Variants in DNAH7 observed in about 807,000 individuals in gnomAD.
The protein encoded by DNAH7 is dynein axonemal heavy chain 7.
In DNAH7, 397 loss-of-function variants were observed where a neutral mutation model predicts 444.6. The observed-to-expected ratio is 0.89, with a 90% CI of 0.82 to 0.97. The LOEUF (loss-of-function observed/expected upper bound fraction) is 0.97. Ranked by LOEUF, DNAH7 falls within the 50% of genes least tolerant of loss-of-function variation. The pLI is 0.00. For synonymous variants in DNAH7, 1,636 were observed against 1,624.4 expected (o/e 1.01, Z -0.17); for missense variants, 4,902 against 4,800.8 (o/e 1.02, Z -0.62).
In DNAH7 at chr2:196,001,676, G is replaced by T. The variant is rs771642889; in HGVS notation, c.1172C>A (p.Pro391Gln). 1.3e-6 allele frequency: 2 copies of T among 1,549,380 alleles called. No individual in the cohort carries two copies. The highest frequency in any genetic ancestry group is 2.3e-5 in the East Asian group (1 of 43,240). Reference protein sequence around the residue: ...QDFTDLIAQPPDSVRAFEHPG... With the variant: ...QDFTDLIAQPQDSVRAFEHPG... ...ATTGGTGAACTGAACCATACTTACTGGGGGTTGTGCAATTAAGTCCGTGAA... is the reference window on the plus strand; with the variant it reads ...ATTGGTGAACTGAACCATACTTACTTGGGGTTGTGCAATTAAGTCCGTGAA... Residue 391 changes from proline (P) to glutamine (Q), a missense_variant and splice_region_variant, in exon 11 of 65, where the codon CCA becomes CAA. Coordinates refer to ENST00000312428, the MANE Select transcript of DNAH7 (RefSeq NM_018897.3).
chr2:195,761,443 C>T (rs954557354), intron 61 of DNAH7, among the ~76,000 whole-genome samples: 2 of 152,062 alleles, frequency 1.3e-5, no homozygotes, highest in African/African-American at 4.8e-5. Context: ...TAACAAAGGA[C>T]TTCCTAAACC....
At position 195,816,662 on chromosome 2, in the gene DNAH7, C is replaced by T; in HGVS notation, c.9727G>A (p.Glu3243Lys). ...WFINLFILSI[E>K]NSEKSEILAK... ...AAAATTTCTGATTTCTCTGAATTTT[C>T]AATAGACAGGATGAAAAGGTTAATA... is the stretch of plus-strand genomic sequence containing the variant. Residue 3243 changes from glutamate (E) to lysine (K), a missense_variant, in exon 51 of 65, where the codon GAA (glutamate) becomes AAA (lysine). Glu to Lys is a moderately conservative substitution (Grantham distance 56). Transcript: ENST00000312428. 1 of 1,613,020 alleles carries T rather than the reference C, an allele frequency of 6.2e-7. No individual in the cohort carries two copies. The highest frequency in any genetic ancestry group is 8.5e-7 in the Non-Finnish European group (1 of 1,179,676).
At chr2:196,048,521 A>G in intron 3 of DNAH7, 117 bp from the exon 4 acceptor site, 1 of 793,380 alleles carries the variant, frequency 1.3e-6, no homozygotes, top group Non-Finnish European at 2.0e-6. Flanking sequence ...GAACATCTGG[A>G]TAGAAAATAC....
At chr2:195,945,087 T>A (rs1057107821) in intron 19 of DNAH7, among the ~76,000 whole-genome samples, 1 of 151,712 alleles carries the variant, frequency 6.6e-6, no homozygotes. Context: ...CCCAAGTGGG[T>A]CATAAACAAT....
chr2:195,915,425 G>A (rs748220736), intron 24 of DNAH7, among the ~76,000 whole-genome samples: 2 of 152,102 alleles, frequency 1.3e-5, no homozygotes, highest in African/African-American at 2.4e-5. Context: ...TGGTGTTACT[G>A]GAATACTGAG....
chr2:195,786,732 G>C (rs1695642706), intron 58 of DNAH7, among the ~76,000 whole-genome samples: 1 of 152,116 alleles, frequency 6.6e-6, no homozygotes, highest in Non-Finnish European at 1.5e-5. Context: ...TTCAAAATAA[G>C]TATAATATTA....
chr2:195,761,295 A>T (rs2105921415), intron 61 of DNAH7, among the ~76,000 whole-genome samples: 1 of 152,200 alleles, frequency 6.6e-6, no homozygotes, highest in South Asian at 2.1e-4. Context: ...ACACAGTAAG[A>T]TGAGATAAAA....
At chr2:195,748,887 A>G (rs1010051150) in intron 63 of DNAH7, among the ~76,000 whole-genome samples, 5 of 152,342 alleles carry the variant, frequency 3.3e-5, no homozygotes, top group African/African-American at 9.6e-5. Context: ...AAAACCCTAG[A>G]AGAAAACCAA....
intron 12 of DNAH7, chr2:195,999,195 C>A (rs752350581): frequency 1.1e-5 from 8 of 717,182 alleles, no homozygotes; most frequent in African/African-American, 5.2e-5. Context: ...AGGTGACAGA[C>A]CTTTGAATAT....
rs967272016 is a variant in DNAH7, at chr2:195,763,574, T to C, written c.11434-7289A>G. 2.6e-5 allele frequency among the ~76,000 whole-genome samples: 4 copies of C among 152,104 alleles called. No individual in the cohort carries two copies. The East Asian group carries it at 5.8e-4, about 22-fold the overall frequency. ...ATAGATGGCACATAAATTCAAAGGA[T>C]CATTAGTGGCTACTATTAGCAATTT... On this transcript the variant is annotated intron_variant, in intron 61 of 64. Coordinates refer to ENST00000312428, the MANE Select transcript of DNAH7 (RefSeq NM_018897.3).
In DNAH7 at chr2:195,969,097, C is replaced by T. The variant is rs138067805; in HGVS notation, c.2205+851G>A. Among the ~76,000 whole-genome samples, 476 of 152,366 alleles carry T rather than the reference C, an allele frequency of 3.1e-3. 3 individuals carry two copies. Among genetic ancestry groups the T allele is most frequent in the African/African-American group, 0.011 (457 of 41,594 alleles). On this transcript the variant is annotated intron_variant, in intron 17 of 64. Coordinates refer to ENST00000312428, the MANE Select transcript of DNAH7 (RefSeq NM_018897.3). ...AAGTTAAAACCAGGTAACGTGATTG[C>T]TCACCTGATTTTTGGTTCTTATGAA...
rs1361668878 is a variant in DNAH7, at chr2:195,960,200, A to C, written c.2891+60T>G. 4 of 1,378,706 alleles carry C rather than the reference A, an allele frequency of 2.9e-6. No individual in the cohort carries two copies. The Admixed American group carries it at 9.2e-5, about 32-fold the overall frequency. The allele number at this position is 1,378,706 out of a possible 1,614,324, so 85.4% of individuals were successfully genotyped here. A position where few individuals can be genotyped will look rare whatever the true frequency, so the allele number is the denominator to read the frequency against. On this transcript the variant is annotated intron_variant, in intron 18 of 64. Coordinates refer to ENST00000312428, the MANE Select transcript of DNAH7 (RefSeq NM_018897.3). ...GAAATAATTCTCAAAAGAACTTTACATTAAACACAAGTGATTTTGGTAACA... is the reference window on the plus strand; with the variant it reads ...GAAATAATTCTCAAAAGAACTTTACCTTAAACACAAGTGATTTTGGTAACA...
chr2:195,933,235 A>C (rs1251136914), intron 21 of DNAH7, among the ~76,000 whole-genome samples: 2 of 152,190 alleles, frequency 1.3e-5, no homozygotes, highest in African/African-American at 2.4e-5. Context: ...GGCGATCATT[A>C]AAAAGTCAGG....
intron 46 of DNAH7, among the ~76,000 whole-genome samples, chr2:195,850,909 T>C (rs992802823): frequency 1.3e-5 from 2 of 152,176 alleles, no homozygotes; most frequent in African/African-American, 2.4e-5. Context: ...AAGCTATTCC[T>C]TGGAGCTGTC....
In DNAH7 at chr2:195,817,707, A is replaced by C. The variant is rs1167639622; in HGVS notation, c.9414T>G (p.Ala3138=). The C allele has an allele frequency of 6.2e-7, 1 of 1,605,924 alleles. No homozygotes were observed. The highest frequency in any genetic ancestry group is 2.2e-5 in the East Asian group (1 of 44,822). Residue 3138 remains alanine (A), a synonymous_variant, in exon 50 of 65, where the codon GCT becomes GCG. Transcript: ENST00000312428. ...EEKQALILQG[A]ENKRQLKEIE... ...ATGACATTTAAAACCTTTTATTTTC[A>C]GCTCCTTGTAATATCAAGGCTTGCT...
chr2:195,854,282 T>C (rs1699567965), intron 45 of DNAH7, among the ~76,000 whole-genome samples: 1 of 152,162 alleles, frequency 6.6e-6, no homozygotes, highest in Non-Finnish European at 1.5e-5. Context: ...TAAATAAAGC[T>C]TATCTTGATG....
At chr2:196,041,343 A>T (rs1696747245) in intron 5 of DNAH7, among the ~76,000 whole-genome samples, 1 of 152,030 alleles carries the variant, frequency 6.6e-6, no homozygotes, top group Non-Finnish European at 1.5e-5. Context: ...AAAACAGCAT[A>T]ATGCTGATAT....
chr2:195,842,181 T>C (rs1698729247), intron 47 of DNAH7, among the ~76,000 whole-genome samples: 1 of 152,058 alleles, frequency 6.6e-6, no homozygotes, highest in South Asian at 2.1e-4. Flanking sequence ...ATAATCCTAA[T>C]CCTTTACCCG....
intron 10 of DNAH7, among the ~76,000 whole-genome samples, chr2:196,009,938 G>A (rs149051145): frequency 1.3e-5 from 2 of 152,238 alleles, no homozygotes; most frequent in African/African-American, 4.8e-5. Flanking sequence ...TCACGGAAAT[G>A]CAAATCAAAA....
Sources: gnomAD v4.1 joint callset for allele counts (sites outside exome capture counted in the v4.1 genomes callset) on GRCh38, gnomAD v4.1.1 for gene constraint, MANE v1.5 for transcripts, NCBI Gene and HGNC (gene_info 2026-07-23, HGNC 2026-07-21) for gene names.